The following EPM2A variants were observed in gnomAD, a reference collection of about 807,000 sequenced individuals.
The protein encoded by EPM2A is laforin.
In EPM2A, 21 loss-of-function variants were observed where a neutral mutation model predicts 26.5. The ratio of observed to expected loss-of-function variants is 0.79; its 90% CI spans 0.56 to 1.14. The LOEUF (loss-of-function observed/expected upper bound fraction) is 1.14. Among genes scored for constraint, EPM2A ranks in the 50% most tolerant of loss-of-function variants. The probability of loss-of-function intolerance (pLI) is 0.00; values close to 1 mark genes in which losing one functional copy is unlikely to be tolerated. For synonymous variants in EPM2A, 217 were observed against 177.6 expected (o/e 1.22, Z -1.76); for missense variants, 458 against 440.8 (o/e 1.04, Z -0.35).
chr6:145,414,940 T>A (rs1263895047), intron 4 of EPM2A, among the ~76,000 whole-genome samples: 2 of 152,220 alleles, frequency 1.3e-5, no homozygotes, highest in African/African-American at 4.8e-5. Context: ...TAAACCATTT[T>A]TCTTCAAAGA....
At chr6:145,505,248 A>T (rs1323411046) in intron 2 of EPM2A, among the ~76,000 whole-genome samples, 1 of 131,800 alleles carries the variant, frequency 7.6e-6, no homozygotes, top group African/African-American at 3.9e-5. Flanking sequence ...AGTATAATTA[A>T]AAAAAAAAAT....
intron 2 of EPM2A, among the ~76,000 whole-genome samples, chr6:145,513,383 T>A (rs1305204702): frequency 6.6e-6 from 1 of 152,264 alleles, no homozygotes; most frequent in Non-Finnish European, 1.5e-5. Flanking sequence ...GAATGGCTAT[T>A]ATTAAAAAGC....
At chr6:145,391,714 A>G (rs1778339302) in intron 4 of EPM2A, among the ~76,000 whole-genome samples, 1 of 152,196 alleles carries the variant, frequency 6.6e-6, no homozygotes, top group African/African-American at 2.4e-5. Context: ...ATTTTGTGAC[A>G]GATCCCTAGA....
chr6:145,504,189 G>A (rs1338933361), intron 2 of EPM2A, among the ~76,000 whole-genome samples: 1 of 133,454 alleles, frequency 7.5e-6, no homozygotes, highest in Non-Finnish European at 1.6e-5. Flanking sequence ...CGTGGGCAAG[G>A]ACTTCATGTC....
At chr6:145,420,353 T>C (rs958307432) in intron 4 of EPM2A, among the ~76,000 whole-genome samples, 3 of 152,194 alleles carry the variant, frequency 2.0e-5, no homozygotes, top group Non-Finnish European at 4.4e-5. Context: ...CACCATATGG[T>C]ACTACTAGAA....
At chr6:145,525,297 G>C (rs1029697702) in intron 2 of EPM2A, among the ~76,000 whole-genome samples, 1 of 149,646 alleles carries the variant, frequency 6.7e-6, no homozygotes, top group Admixed American at 6.7e-5. Flanking sequence ...GGTCTTTTTC[G>C]GTTCCAAATG....
At position 145,607,409 on chromosome 6, in the gene EPM2A, G is replaced by A. The variant is rs9485011; in HGVS notation, c.340+27836C>T. ...CATGAGGCTCTGCTGTACAGTATGT[G>A]ACTCTTTGCATTCTGGAGAACATAA... On this transcript the variant is annotated intron_variant, in intron 2 of 3. Coordinates refer to the EPM2A transcript ENST00000450221. Among the ~76,000 whole-genome samples, 796 of 152,272 alleles carry A rather than the reference G, an allele frequency of 5.2e-3. 4 individuals are homozygous for A. The highest frequency in any genetic ancestry group is 0.018 in the African/African-American group (761 of 41,566).
chr6:145,706,620 C>T (rs745378908), intron 1 of EPM2A, among the ~76,000 whole-genome samples: 1 of 152,152 alleles, frequency 6.6e-6, no homozygotes, highest in African/African-American at 2.4e-5. Flanking sequence ...CTACAATGCA[C>T]TAAAAGACCA....
intron 4 of EPM2A, among the ~76,000 whole-genome samples, chr6:145,402,471 C>T (rs1970309): frequency 6.6e-6 from 1 of 151,918 alleles, no homozygotes; most frequent in East Asian, 1.9e-4. Context: ...TTATACTACA[C>T]AGATTAAGAT....
intron 2 of EPM2A, among the ~76,000 whole-genome samples, chr6:145,644,727 T>C (rs1777335111): frequency 6.6e-6 from 1 of 152,112 alleles, no homozygotes; most frequent in South Asian, 2.1e-4. Context: ...TGGGAAGTTT[T>C]GCTTCTTTCA....
chr6:145,468,543 C>A (rs1292889038), intron 4 of EPM2A, among the ~76,000 whole-genome samples: 2 of 151,798 alleles, frequency 1.3e-5, no homozygotes, highest in Non-Finnish European at 2.9e-5. Context: ...ACCATGTAAC[C>A]ACATTCAAAT....
rs920530467 is a variant in EPM2A at position 145,627,171 on chromosome 6, G to A, written c.*245C>T. The A allele has an allele frequency of 7.8e-6, 11 of 1,401,940 alleles. No individual in the cohort carries two copies. In the African/African-American group the frequency reaches 1.6e-4, roughly 20 times the overall value. The allele number at this position is 1,401,940 out of a possible 1,614,324, so 86.8% of individuals were successfully genotyped here. A position where few individuals can be genotyped will look rare whatever the true frequency, so the allele number is the denominator to read the frequency against. On this transcript the variant is annotated 3_prime_UTR_variant, in exon 4 of 4. Transcript: ENST00000367519. Reference sequence around the variant, plus strand: ...AACTGCACGCATTACCCTTCTGTCTGATGTACAGCCTAACTGCTTCGTGCT... The same window carrying A: ...AACTGCACGCATTACCCTTCTGTCTAATGTACAGCCTAACTGCTTCGTGCT...
intron 2 of EPM2A, among the ~76,000 whole-genome samples, chr6:145,588,876 C>A (rs1004242337): frequency 2.6e-5 from 4 of 152,070 alleles, no homozygotes; most frequent in Non-Finnish European, 5.9e-5. Flanking sequence ...GTTATTTGAG[C>A]AGGGGAACTT....
intron 2 of EPM2A, among the ~76,000 whole-genome samples, chr6:145,531,194 C>CA (rs1780350808): frequency 6.6e-6 from 1 of 152,144 alleles, no homozygotes; most frequent in Admixed American, 6.5e-5. Context: ...ATTCTTTGAT[C>CA]ATTTGTGGGC....
intron 2 of EPM2A, among the ~76,000 whole-genome samples, chr6:145,545,227 A>G (rs1780568600): frequency 6.6e-6 from 1 of 152,060 alleles, no homozygotes; most frequent in Admixed American, 6.6e-5. Context: ...AACAACCACC[A>G]TTTGTTTTTG....
chr6:145,601,609 T>C (rs1232573638), intron 2 of EPM2A, among the ~76,000 whole-genome samples: 8 of 152,220 alleles, frequency 5.3e-5, no homozygotes, highest in Admixed American at 3.9e-4. Context: ...CCAGACCTTA[T>C]TAACTTACGA....
intron 4 of EPM2A, among the ~76,000 whole-genome samples, chr6:145,488,149 G>A (rs945667390): frequency 1.3e-5 from 2 of 151,844 alleles, no homozygotes; most frequent in Admixed American, 6.6e-5. Context: ...CTTATTTCTG[G>A]GTTCTCTATT....
intron 4 of EPM2A, among the ~76,000 whole-genome samples, chr6:145,424,254 G>A (rs1309162020): frequency 6.6e-6 from 1 of 152,134 alleles, no homozygotes. Context: ...GGCAGGAGGA[G>A]GAAAAATAGA....
At chr6:145,473,290 T>C (rs953279475) in intron 4 of EPM2A, among the ~76,000 whole-genome samples, 1 of 151,528 alleles carries the variant, frequency 6.6e-6, no homozygotes, top group Admixed American at 6.6e-5. Flanking sequence ...AGTACTTTAG[T>C]AGCAGAATCA....
Sources: gnomAD v4.1 joint callset for allele counts (sites outside exome capture counted in the v4.1 genomes callset) on GRCh38, gnomAD v4.1.1 for gene constraint, MANE v1.5 for transcripts, NCBI Gene and HGNC (gene_info 2026-07-23, HGNC 2026-07-21) for gene names.